ERGIC1: variants seen among roughly 807,000 people sequenced by gnomAD.
ERGIC1 encodes the protein endoplasmic reticulum-golgi intermediate compartment 1.
A neutral mutation model predicts 38.3 loss-of-function variants in ERGIC1; 19 were observed. That is an observed-to-expected ratio of 0.50 (90% CI 0.35 to 0.73). The LOEUF (loss-of-function observed/expected upper bound fraction) is 0.73, where lower values mean the gene tolerates loss of function less well. ERGIC1 is among the 30% of genes least tolerant of loss of function. ERGIC1 has a pLI of 0.01. For missense variants in ERGIC1, 294 were observed against 389.2 expected, an observed-to-expected ratio of 0.76 and a Z score of 2.06; for synonymous variants, 124 against 157.6, an observed-to-expected ratio of 0.79 and a Z score of 1.60.
At chr5:172,909,317 C>T (rs568426710) in intron 3 of ERGIC1, among the ~76,000 whole-genome samples, 4 of 152,180 alleles carry the variant, frequency 2.6e-5, no homozygotes, top group African/African-American at 4.8e-5. Context: ...TGCGCCACCA[C>T]GCCCAGCTAA....
intron 1 of ERGIC1, among the ~76,000 whole-genome samples, chr5:172,840,531 A>C (rs569498279): frequency 3.3e-5 from 5 of 152,254 alleles, no homozygotes; most frequent in African/African-American, 1.2e-4. Context: ...AAGTGCTCTG[A>C]ATTGGGAGAA....
In ERGIC1 at chr5:172,893,020, CA is replaced by C. The variant is rs1424595498; in HGVS notation, c.83-3981del. On this transcript the variant is annotated intron_variant, in intron 2 of 9. Transcript: ENST00000393784. The stretch of plus-strand genomic sequence containing the variant: ...AGGAGGCCTTTCCATCCCATCCCCC[CA>C]GCTCTGGTGCTCTGGTGTGGATAGA... 2.6e-3 allele frequency among the ~76,000 whole-genome samples: 401 copies of C among 152,322 alleles called. 1 individual carries two copies. Among genetic ancestry groups the C allele is most frequent in the Non-Finnish European group, 3.6e-3 (244 of 68,040 alleles).
chr5:172,925,237 A>C (rs938398985), intron 6 of ERGIC1, among the ~76,000 whole-genome samples: 5 of 152,162 alleles, frequency 3.3e-5, no homozygotes, highest in South Asian at 2.1e-4. Flanking sequence ...GACTCCTCCC[A>C]AAAAAAGAAA....
chr5:172,846,316 C>T lies in ERGIC1; in HGVS notation c.20+11883C>T, dbSNP rs142546430. Among the ~76,000 whole-genome samples, 963 of 152,306 alleles carry T rather than the reference C, an allele frequency of 6.3e-3. 14 individuals carry two copies. The highest frequency in any genetic ancestry group is 7.0e-3 in the Non-Finnish European group (473 of 68,024). ...CGTGACTTAACAGCGCCTCTTTCTG[C>T]GCTGTCTGTGCAGGACGCCCAGCAC... On this transcript the variant is annotated intron_variant, in intron 1 of 9. Transcript: ENST00000393784. The surrounding 1 kb of genome is among the most constrained non-coding windows in gnomAD (Gnocchi z 4.0).
chr5:172,935,538 G>A (rs981968078), intron 9 of ERGIC1: 3 of 518,992 alleles, frequency 5.8e-6, no homozygotes, highest in African/African-American at 5.7e-5. Context: ...TTCCAGAGGG[G>A]AATGCCCTGA....
chr5:172,947,532 C>A (rs540748948), intron 9 of ERGIC1, among the ~76,000 whole-genome samples: 2 of 152,292 alleles, frequency 1.3e-5, no homozygotes, highest in South Asian at 4.1e-4. Flanking sequence ...CTCCCCTCAC[C>A]TCCTCAAGTG....
intron 9 of ERGIC1, among the ~76,000 whole-genome samples, chr5:172,942,773 G>A (rs527467425): frequency 2.6e-5 from 4 of 152,334 alleles, no homozygotes; most frequent in South Asian, 4.1e-4. Context: ...GTTCGGAGGC[G>A]GAAGAGGAAC....
At chr5:172,838,057 G>A (rs369809380) in intron 1 of ERGIC1, among the ~76,000 whole-genome samples, 9 of 152,152 alleles carry the variant, frequency 5.9e-5, no homozygotes, top group Non-Finnish European at 5.9e-5. Context: ...CCGCTGCACT[G>A]GCACTGACCA....
At chr5:172,897,418 G>A (rs1370428091) in intron 3 of ERGIC1, among the ~76,000 whole-genome samples, 1 of 135,478 alleles carries the variant, frequency 7.4e-6, no homozygotes, top group Non-Finnish European at 1.5e-5. Flanking sequence ...GACAAAGCAA[G>A]ACCCTGTTTC....
chr5:172,939,859 C>G (rs1395169079), intron 9 of ERGIC1, among the ~76,000 whole-genome samples: 1 of 152,250 alleles, frequency 6.6e-6, no homozygotes, highest in Non-Finnish European at 1.5e-5. Context: ...CGCCAGCACT[C>G]AGACACACAC....
intron 9 of ERGIC1, among the ~76,000 whole-genome samples, chr5:172,938,740 G>A (rs1485136366): frequency 4.1e-5 from 6 of 145,914 alleles, no homozygotes; most frequent in African/African-American, 7.7e-5. Flanking sequence ...GTACCAGAGC[G>A]AGACTCTATC....
intron 9 of ERGIC1, among the ~76,000 whole-genome samples, chr5:172,939,232 G>A (rs1404330909): frequency 2.0e-5 from 3 of 152,204 alleles, no homozygotes; most frequent in African/African-American, 7.2e-5. Context: ...CTGCTGGAGG[G>A]GCAGATGAGT....
intron 3 of ERGIC1, chr5:172,905,339 G>C (rs1186696769): frequency 2.5e-6 from 1 of 399,910 alleles, no homozygotes; most frequent in Non-Finnish European, 5.5e-6. Context: ...GGTAGAAATT[G>C]GGTGCTGAAG....
At chr5:172,850,489 G>A (rs1400125645) in intron 1 of ERGIC1, among the ~76,000 whole-genome samples, 1 of 152,188 alleles carries the variant, frequency 6.6e-6, no homozygotes, top group East Asian at 1.9e-4. Context: ...GAGGGCTCGG[G>A]GGAGTAGAGG....
At position 172,951,549 on chromosome 5, in the gene ERGIC1, C is replaced by G. The variant is rs1349309281; in HGVS notation, c.*733C>G. On this transcript the variant is annotated 3_prime_UTR_variant, in exon 10 of 10. Transcript: ENST00000393784. The stretch of plus-strand genomic sequence containing the variant: ...AGGCGGGTCACAGATTCCTCTTCCT[C>G]TCTTCTCCTCGTTCCTCTGAACCCT... 6.6e-6 allele frequency: 1 copy of G among 152,296 alleles called. No individual in the cohort carries two copies. Among genetic ancestry groups the G allele is most frequent in the East Asian group, 1.9e-4 (1 of 5,202 alleles). 9.4% of individuals were successfully genotyped at this position (152,296 alleles called of 1,614,324 possible).
intron 1 of ERGIC1, among the ~76,000 whole-genome samples, chr5:172,853,711 G>A (rs1761470416): frequency 6.6e-6 from 1 of 152,232 alleles, no homozygotes; most frequent in South Asian, 2.1e-4. Flanking sequence ...GCAGAAGCAG[G>A]AGCCTTGGGC....
chr5:172,844,232 A>G (rs745574223), intron 1 of ERGIC1, among the ~76,000 whole-genome samples: 1 of 152,184 alleles, frequency 6.6e-6, no homozygotes, highest in Non-Finnish European at 1.5e-5. Flanking sequence ...AGGCGCCCCT[A>G]CCTATCAGCA....
chr5:172,876,851 A>G (rs984762801), intron 1 of ERGIC1, among the ~76,000 whole-genome samples: 7 of 152,208 alleles, frequency 4.6e-5, no homozygotes, highest in Admixed American at 3.3e-4. Flanking sequence ...GCCATTCAGC[A>G]TAATTATCTT....
chr5:172,880,098 G>A (rs1267205367), intron 1 of ERGIC1, among the ~76,000 whole-genome samples: 1 of 151,700 alleles, frequency 6.6e-6, no homozygotes, highest in Non-Finnish European at 1.5e-5. Flanking sequence ...CTGCAGAGCC[G>A]TGATCTTGGC....
Sources: gnomAD v4.1 joint callset for allele counts (sites outside exome capture counted in the v4.1 genomes callset) on GRCh38, gnomAD v4.1.1 for gene constraint, Gnocchi (gnomAD v3.1) non-coding constraint, MANE v1.5 for transcripts, NCBI Gene and HGNC (gene_info 2026-07-23, HGNC 2026-07-21) for gene names.